Variants in MKNK1 observed in about 807,000 individuals in gnomAD.
MKNK1 encodes the protein MAP kinase-interacting serine/threonine-protein kinase 1.
Under a neutral mutation model 49.3 loss-of-function variants are expected in MKNK1, and 30 were observed. The ratio of observed to expected loss-of-function variants is 0.61; its 90% CI spans 0.46 to 0.83. The LOEUF (loss-of-function observed/expected upper bound fraction) is 0.83, where lower values mean the gene tolerates loss of function less well. Among genes scored for constraint, MKNK1 ranks in the 40% least tolerant of loss-of-function variants. The pLI, the probability that MKNK1 is intolerant of heterozygous loss-of-function variation, is 0.00. For missense variants in MKNK1, 423 were observed against 524.7 expected (o/e 0.81, Z 1.89); for synonymous variants, 176 against 201.7 (o/e 0.87, Z 1.08).
intron 5 of MKNK1, 160 bp from the exon 6 acceptor site, chr1:46,575,180 C>G: frequency 1.7e-6 from 1 of 578,536 alleles, no homozygotes; most frequent in Admixed American, 3.4e-5. Context: ...CGTATGGAAG[C>G]AGCCAATGGT....
At chr1:46,587,581 G>A (rs1356660705) in intron 2 of MKNK1, among the ~76,000 whole-genome samples, 1 of 152,180 alleles carries the variant, frequency 6.6e-6, no homozygotes, top group African/African-American at 2.4e-5. Flanking sequence ...ACTTTGGGAG[G>A]CCGAGGCAGG....
At chr1:46,571,819 G>C (rs1486903375) in intron 7 of MKNK1, among the ~76,000 whole-genome samples, 1 of 152,150 alleles carries the variant, frequency 6.6e-6, no homozygotes, top group East Asian at 1.9e-4. Context: ...TCTCCTCCCT[G>C]CTCTTTCTCC....
intron 8 of MKNK1, chr1:46,568,121 CAAAA>C (rs10711362): frequency 2.4e-4 from 35 of 142,998 alleles, no homozygotes; most frequent in South Asian, 1.0e-3. Flanking sequence ...GACCCCGTCT[CAAAA>C]AAAAAAAAAA....
intron 7 of MKNK1, chr1:46,570,356 A>G (rs1669885210): frequency 6.6e-6 from 1 of 152,200 alleles, no homozygotes; most frequent in African/African-American, 2.4e-5. Flanking sequence ...TGTTACCTCT[A>G]TGCATCCCAG....
chr1:46,590,383 C>T (rs1673165516), intron 2 of MKNK1, among the ~76,000 whole-genome samples: 1 of 152,216 alleles, frequency 6.6e-6, no homozygotes, highest in Admixed American at 6.5e-5. Context: ...CTCACACACA[C>T]ACATGCTGCT....
At chr1:46,572,833 C>T (rs975996437) in intron 6 of MKNK1, among the ~76,000 whole-genome samples, 8 of 152,122 alleles carry the variant, frequency 5.3e-5, no homozygotes, top group East Asian at 1.9e-4. Flanking sequence ...TCTGCAGCAA[C>T]GTTTTCTCCC....
Sources: gnomAD v4.1 joint callset for allele counts (sites outside exome capture counted in the v4.1 genomes callset) on GRCh38, gnomAD v4.1.1 for gene constraint, MANE v1.5 for transcripts, NCBI Gene and HGNC (gene_info 2026-07-23, HGNC 2026-07-21) for gene names.